The following ESRRG variants were observed in gnomAD, a reference collection of about 807,000 sequenced individuals.
ESRRG encodes the protein estrogen related receptor gamma.
A neutral mutation model predicts 44.0 loss-of-function variants in ESRRG; 13 were observed. That is an observed-to-expected ratio of 0.30 (90% confidence interval 0.19 to 0.47). The LOEUF (loss-of-function observed/expected upper bound fraction) is 0.47. Ranked by LOEUF, ESRRG falls within the 20% of genes least tolerant of loss-of-function variation. The pLI is 1.00. For synonymous variants in ESRRG, 215 were observed against 214.6 expected, an observed-to-expected ratio of 1.00 and a Z score of -0.02; for missense variants, 395 against 580.6, an observed-to-expected ratio of 0.68 and a Z score of 3.29.
intron 2 of ESRRG, among the ~76,000 whole-genome samples, chr1:216,670,554 C>T (rs556792304): frequency 9.2e-5 from 14 of 152,282 alleles, no homozygotes; most frequent in South Asian, 2.1e-4. Flanking sequence ...CCGTCCCCTG[C>T]GTACACCTTG....
intron 2 of ESRRG, among the ~76,000 whole-genome samples, chr1:216,746,636 C>A (rs2091433318): frequency 6.6e-6 from 1 of 152,076 alleles, no homozygotes; most frequent in Admixed American, 6.6e-5. Flanking sequence ...GAACGTCATA[C>A]CATTTATTTA....
chr1:216,958,646 C>T (rs1397349067), intron 1 of ESRRG, among the ~76,000 whole-genome samples: 2 of 152,164 alleles, frequency 1.3e-5, no homozygotes, highest in African/African-American at 4.8e-5. Flanking sequence ...CTTAACACTT[C>T]TCTGCTCAGA....
At chr1:216,745,243 C>G (rs1312497605) in intron 2 of ESRRG, among the ~76,000 whole-genome samples, 2 of 152,170 alleles carry the variant, frequency 1.3e-5, no homozygotes, top group African/African-American at 2.4e-5. Flanking sequence ...ACTGCAGCCT[C>G]AAACTCCTGG....
chr1:216,742,640 C>A (rs901088703), intron 2 of ESRRG, among the ~76,000 whole-genome samples: 8 of 151,668 alleles, frequency 5.3e-5, no homozygotes, highest in East Asian at 1.9e-4. Context: ...AAATGAATGA[C>A]TGATTTCTTA....
At chr1:216,527,595 A>C (rs1327999115) in intron 5 of ESRRG, among the ~76,000 whole-genome samples, 2 of 151,982 alleles carry the variant, frequency 1.3e-5, no homozygotes, top group Non-Finnish European at 2.9e-5. Flanking sequence ...CATTTTCCTA[A>C]TCCTAATGTC....
At chr1:217,070,269 A>AT (rs2090387332) in intron 1 of ESRRG, among the ~76,000 whole-genome samples, 1 of 152,162 alleles carries the variant, frequency 6.6e-6, no homozygotes, top group Non-Finnish European at 1.5e-5. Flanking sequence ...AGTAAAAGCT[A>AT]TTTTAAAATA....
At chr1:216,757,186 G>A (rs2092497887) in intron 2 of ESRRG, among the ~76,000 whole-genome samples, 1 of 151,958 alleles carries the variant, frequency 6.6e-6, no homozygotes, top group African/African-American at 2.4e-5. Context: ...CTGGTGGGGA[G>A]AGGAATGATT....
chr1:216,841,313 G>A (rs186277065), intron 2 of ESRRG, among the ~76,000 whole-genome samples: 323 of 152,114 alleles, frequency 2.1e-3, no homozygotes, highest in African/African-American at 6.4e-3. Flanking sequence ...GGCCTTTTCC[G>A]TTTTGAGAAG....
intron 4 of ESRRG, among the ~76,000 whole-genome samples, chr1:216,566,736 G>A (rs1055261862): frequency 6.6e-6 from 1 of 152,134 alleles, no homozygotes; most frequent in African/African-American, 2.4e-5. Context: ...TGCAGTCCTC[G>A]ATTGTATTTG....
At chr1:216,517,823 G>A (rs1029036279) in intron 6 of ESRRG, among the ~76,000 whole-genome samples, 3 of 152,100 alleles carry the variant, frequency 2.0e-5, no homozygotes, top group African/African-American at 7.2e-5. Flanking sequence ...TTTCACAGGA[G>A]CGTAGAAGAA....
In ESRRG at chr1:216,677,227, G is replaced by A; in HGVS notation, c.321C>T (p.Thr107=). 6.2e-7 allele frequency: 1 copy of A among 1,614,176 alleles called. No individual in the cohort carries two copies. The highest frequency in any genetic ancestry group is 8.5e-7 in the Non-Finnish European group (1 of 1,180,030). ...ACTTGGTCTGGGGATCTTCAACAAT[G>A]GTGCTGGAGCAGTCATCATACAGTT... The part of the protein sequence containing the change: ...VRKLYDDCSS[T]IVEDPQTKCE... The change falls in exon 2 of 7, where the codon ACC becomes ACT. Residue 107 remains threonine, a synonymous_variant. Coordinates refer to ENST00000408911, the MANE Select transcript of ESRRG (RefSeq NM_001438.4).
intron 2 of ESRRG, among the ~76,000 whole-genome samples, chr1:216,879,837 C>G (rs920389557): frequency 1.3e-5 from 2 of 152,096 alleles, no homozygotes; most frequent in African/African-American, 4.8e-5. Flanking sequence ...TGTAGCTACA[C>G]CATATTTAAA....
upstream of ESRRG, among the ~76,000 whole-genome samples, chr1:217,094,274 C>T (rs145676031): frequency 7.4e-3 from 1,126 of 152,310 alleles, 14 homozygotes; most frequent in African/African-American, 0.026. Flanking sequence ...GTGCCTAAAA[C>T]TTTCTTTCTA....
intron 2 of ESRRG, among the ~76,000 whole-genome samples, chr1:216,908,183 G>A (rs576882565): frequency 1.3e-5 from 2 of 152,296 alleles, no homozygotes; most frequent in Non-Finnish European, 2.9e-5. Flanking sequence ...GGAAGTCACA[G>A]TGGACTTGCT....
chr1:216,993,749 G>A (rs1209857051), intron 1 of ESRRG, among the ~76,000 whole-genome samples: 1 of 152,130 alleles, frequency 6.6e-6, no homozygotes, highest in Non-Finnish European at 1.5e-5. Context: ...AAAATATTGG[G>A]TAGAGATTGC....
intron 5 of ESRRG, among the ~76,000 whole-genome samples, chr1:216,532,239 C>T (rs1158459596): frequency 6.6e-6 from 1 of 151,906 alleles, no homozygotes; most frequent in African/African-American, 2.4e-5. Flanking sequence ...CTAAATATAC[C>T]CAAGCAGCTG....
At chr1:217,104,117 C>A (rs773078029) in intron 1 of ESRRG, among the ~76,000 whole-genome samples, 24 of 152,182 alleles carry the variant, frequency 1.6e-4, no homozygotes, top group Non-Finnish European at 2.8e-4. Context: ...AGCACCTATT[C>A]CTTGTTAAGC....
chr1:217,081,885 G>A (rs116343353), intron 1 of ESRRG, among the ~76,000 whole-genome samples: 65 of 152,302 alleles, frequency 4.3e-4, no homozygotes, highest in Middle Eastern at 3.4e-3. Flanking sequence ...TAATAGCAAC[G>A]TCATGGCAAA....
intron 2 of ESRRG, among the ~76,000 whole-genome samples, chr1:216,875,672 G>A (rs975017338): frequency 6.6e-6 from 1 of 151,896 alleles, no homozygotes; most frequent in Admixed American, 6.6e-5. Context: ...TCATTCTCAT[G>A]TTGATGAAAA....
Sources: gnomAD v4.1 joint callset for allele counts (sites outside exome capture counted in the v4.1 genomes callset) on GRCh38, gnomAD v4.1.1 for gene constraint, MANE v1.5 for transcripts, NCBI Gene and HGNC (gene_info 2026-07-23, HGNC 2026-07-21) for gene names.